DAB1: variants seen among roughly 807,000 people sequenced by gnomAD.
DAB1 encodes disabled homolog 1.
In DAB1, 15 loss-of-function variants were observed where a neutral mutation model predicts 64.6. The ratio of observed to expected loss-of-function variants is 0.23; its 90% CI spans 0.16 to 0.36. The LOEUF (loss-of-function observed/expected upper bound fraction) is 0.36, where lower values mean the gene tolerates loss of function less well. DAB1 is among the 10% of genes least tolerant of loss of function. The pLI is 1.00. For missense variants in DAB1, 596 were observed against 706.7 expected (o/e 0.84, Z 1.78); for synonymous variants, 235 against 251.9 (o/e 0.93, Z 0.64).
chr1:57,942,039 G>T (rs2102053247), intron 5 of DAB1, among the ~76,000 whole-genome samples: 1 of 152,180 alleles, frequency 6.6e-6, no homozygotes. Context: ...TTCTTTTCTG[G>T]GTAGATGGGG....
rs1489101613 is a variant in DAB1 at position 58,300,545 on chromosome 1, A to AAAGG, written n.309+42806_309+42807insCCTT. Reference sequence around the variant, plus strand: ...CTGGGCAACAAAAGTGAAACTCTGAAAAGAAAGAAAGAAAGAAAGAAAGAA... The same window carrying AAAGG: ...CTGGGCAACAAAAGTGAAACTCTGAAAAGGAAGAAAGAAAGAAAGAAAGAAAGAA... On this transcript the variant is annotated intron_variant and non_coding_transcript_variant, in intron 4 of 20. Transcript: ENST00000485760. 3.0e-3 allele frequency among the ~76,000 whole-genome samples: 63 copies of AAAGG among 20,908 alleles called. 2 individuals are homozygous for AAAGG. Among genetic ancestry groups the AAAGG allele is most frequent in the Non-Finnish European group, 5.0e-3 (52 of 10,420 alleles). 13.7% of individuals were successfully genotyped at this position (20,908 alleles called of 152,430 possible). A position where few individuals can be genotyped will look rare whatever the true frequency, so the allele number is the denominator to read the frequency against.
At chr1:58,063,220 C>CT (rs966717345) in intron 5 of DAB1, among the ~76,000 whole-genome samples, 22 of 152,122 alleles carry the variant, frequency 1.4e-4, no homozygotes, top group Non-Finnish European at 2.5e-4. Flanking sequence ...TTTGGCTGCT[C>CT]TGGGGTCACA....
At chr1:57,929,916 C>A (rs571015724) in intron 5 of DAB1, among the ~76,000 whole-genome samples, 6 of 152,298 alleles carry the variant, frequency 3.9e-5, no homozygotes, top group African/African-American at 1.4e-4. Context: ...AGGACCCAAC[C>A]ACATCCCACC....
At chr1:57,050,990 A>G (rs1375955478) in intron 9 of DAB1, among the ~76,000 whole-genome samples, 1 of 152,222 alleles carries the variant, frequency 6.6e-6, no homozygotes, top group Non-Finnish European at 1.5e-5. Flanking sequence ...CCCAATATTC[A>G]GCAATGTTCA....
chr1:57,975,554 T>C (rs1219535872), intron 5 of DAB1, among the ~76,000 whole-genome samples: 2 of 152,308 alleles, frequency 1.3e-5, no homozygotes, highest in South Asian at 2.1e-4. Context: ...GTGCAAGATA[T>C]AGCAGCTAGG....
chr1:57,024,022 G>T (rs1408111497), intron 10 of DAB1, among the ~76,000 whole-genome samples: 1 of 151,960 alleles, frequency 6.6e-6, no homozygotes, highest in African/African-American at 2.4e-5. Context: ...CTTTAGAGGT[G>T]GCCAACTCAA....
At chr1:57,044,151 T>C (rs1283751706) in intron 9 of DAB1, among the ~76,000 whole-genome samples, 1 of 152,228 alleles carries the variant, frequency 6.6e-6, no homozygotes, top group East Asian at 1.9e-4. Context: ...CTCCACCTAA[T>C]GCAGGAGTAG....
At chr1:58,034,286 G>T (rs1254138917) in intron 5 of DAB1, among the ~76,000 whole-genome samples, 1 of 152,172 alleles carries the variant, frequency 6.6e-6, no homozygotes, top group Non-Finnish European at 1.5e-5. Flanking sequence ...GAGGAACCGA[G>T]CCCTCAGTCC....
At chr1:57,793,468 C>T (rs1165495413) in intron 6 of DAB1, among the ~76,000 whole-genome samples, 1 of 152,146 alleles carries the variant, frequency 6.6e-6, no homozygotes, top group African/African-American at 2.4e-5. Flanking sequence ...CCTTGAGTGG[C>T]AAAGTCAACA....
At chr1:58,171,817 T>C (rs544357053) in intron 4 of DAB1, among the ~76,000 whole-genome samples, 8 of 152,364 alleles carry the variant, frequency 5.3e-5, no homozygotes, top group East Asian at 1.9e-4. Flanking sequence ...CATGCCAGCA[T>C]GCTACTCTAG....
intron 3 of DAB1, among the ~76,000 whole-genome samples, chr1:58,442,079 A>T (rs529970576): frequency 3.0e-4 from 45 of 152,302 alleles, no homozygotes; most frequent in Non-Finnish European, 4.7e-4. Flanking sequence ...AATAGGGCAC[A>T]CTGGGGTGCC....
intron 7 of DAB1, among the ~76,000 whole-genome samples, chr1:57,629,891 A>T (rs1181335792): frequency 6.6e-6 from 1 of 152,174 alleles, no homozygotes; most frequent in Non-Finnish European, 1.5e-5. Context: ...CTCTCAGTTC[A>T]AATGAAATGC....
chr1:57,471,254 G>T (rs943608779), intron 7 of DAB1, among the ~76,000 whole-genome samples: 4 of 152,176 alleles, frequency 2.6e-5, no homozygotes, highest in Non-Finnish European at 5.9e-5. Context: ...TATCTGAAAT[G>T]ATGATGACAA....
intron 3 of DAB1, chr1:58,480,762 G>T: frequency 2.4e-6 from 1 of 412,974 alleles, no homozygotes; most frequent in Non-Finnish European, 4.2e-6. Context: ...TTTCCTCATT[G>T]AAGATATTTT....
chr1:58,037,599 T>C (rs28607671), intron 5 of DAB1, among the ~76,000 whole-genome samples: 1 of 152,146 alleles, frequency 6.6e-6, no homozygotes, highest in African/African-American at 2.4e-5. Context: ...TGATCTGAGG[T>C]GGAACAGTTT....
intron 4 of DAB1, among the ~76,000 whole-genome samples, chr1:58,322,646 T>C (rs560867691): frequency 6.6e-6 from 1 of 152,300 alleles, no homozygotes; most frequent in South Asian, 2.1e-4. Context: ...TTGTTGGGAG[T>C]GTAAACTAGT....
At chr1:58,066,620 G>A (rs1404265731) in intron 5 of DAB1, among the ~76,000 whole-genome samples, 1 of 152,136 alleles carries the variant, frequency 6.6e-6, no homozygotes, top group Non-Finnish European at 1.5e-5. Context: ...ACTTGGCCAA[G>A]GTTGCATAAT....
intron 5 of DAB1, among the ~76,000 whole-genome samples, chr1:57,958,177 C>T (rs1557578655): frequency 6.6e-6 from 1 of 151,998 alleles, no homozygotes; most frequent in Non-Finnish European, 1.5e-5. Flanking sequence ...GGGGTTTCAC[C>T]ATGTTGGTCA....
chr1:57,604,295 C>A (rs148241544), intron 7 of DAB1, among the ~76,000 whole-genome samples: 102 of 152,174 alleles, frequency 6.7e-4, no homozygotes, highest in African/African-American at 2.4e-3. Context: ...AATAAGTTAT[C>A]TGTGCTGCTG....
Sources: allele counts gnomAD v4.1 joint callset (sites outside exome capture counted in the v4.1 genomes callset), GRCh38; gene constraint gnomAD v4.1.1; transcripts MANE v1.5; gene names NCBI Gene and HGNC (gene_info 2026-07-23, HGNC 2026-07-21).